GAS2: variants seen among roughly 807,000 people sequenced by gnomAD.
GAS2 encodes growth arrest-specific protein 2.
A neutral mutation model predicts 37.5 loss-of-function variants in GAS2; 20 were observed. That is an observed-to-expected ratio of 0.53 (90% CI 0.37 to 0.77). The LOEUF (loss-of-function observed/expected upper bound fraction) is 0.77. Ranked by LOEUF, GAS2 falls within the 30% of genes least tolerant of loss-of-function variation. The probability of loss-of-function intolerance (pLI) is 0.00; values close to 1 mark genes in which losing one functional copy is unlikely to be tolerated. For missense variants in GAS2, 336 were observed against 373.4 expected (o/e 0.90, Z 0.82); for synonymous variants, 144 against 132.2 (o/e 1.09, Z -0.61).
intron 4 of GAS2, among the ~76,000 whole-genome samples, chr11:22,737,381 G>A (rs148855455): frequency 3.3e-5 from 5 of 152,040 alleles, no homozygotes; most frequent in African/African-American, 1.2e-4. Flanking sequence ...AGCTACATAG[G>A]CATCCAATAT....
chr11:22,672,361 A>G (rs912642443), intron 1 of GAS2, among the ~76,000 whole-genome samples: 1 of 152,192 alleles, frequency 6.6e-6, no homozygotes. Flanking sequence ...TAAATGTGCC[A>G]CTGTCAAAGA....
At chr11:22,708,560 T>C (rs1247785253) in intron 3 of GAS2, among the ~76,000 whole-genome samples, 2 of 152,174 alleles carry the variant, frequency 1.3e-5, no homozygotes, top group African/African-American at 4.8e-5. Context: ...GCATTCAAAC[T>C]CAGGCAGTCT....
At chr11:22,711,950 T>G (rs1030050211) in intron 3 of GAS2, among the ~76,000 whole-genome samples, 8 of 152,172 alleles carry the variant, frequency 5.3e-5, no homozygotes, top group African/African-American at 1.9e-4. Flanking sequence ...AGACATAATC[T>G]CTTGGGAGCT....
At chr11:22,721,805 A>G (rs1354723169) in intron 3 of GAS2, among the ~76,000 whole-genome samples, 2 of 152,054 alleles carry the variant, frequency 1.3e-5, no homozygotes, top group African/African-American at 4.8e-5. Context: ...AGGAAGAAGT[A>G]AATTATTTGG....
At chr11:22,643,603 T>G (rs527677315) in intron 1 of GAS2, among the ~76,000 whole-genome samples, 3 of 152,250 alleles carry the variant, frequency 2.0e-5, no homozygotes, top group African/African-American at 7.2e-5. Flanking sequence ...TGGAAAGAAC[T>G]TACTAAGCAG....
intron 7 of GAS2, among the ~76,000 whole-genome samples, chr11:22,807,256 G>A (rs577027098): frequency 6.6e-6 from 1 of 152,230 alleles, no homozygotes; most frequent in Admixed American, 6.5e-5. Context: ...TGCAATAATT[G>A]GAAAATCCAA....
chr11:22,792,015 G>C (rs1856189314), intron 7 of GAS2, among the ~76,000 whole-genome samples: 1 of 152,204 alleles, frequency 6.6e-6, no homozygotes, highest in African/African-American at 2.4e-5. Flanking sequence ...GACATGAAGT[G>C]ATATGGATAT....
At chr11:22,808,610 G>A (rs1004353812) in intron 7 of GAS2, among the ~76,000 whole-genome samples, 6 of 152,198 alleles carry the variant, frequency 3.9e-5, no homozygotes, top group Admixed American at 1.3e-4. Context: ...AAACTGTTGT[G>A]ACTGGTGGTT....
At chr11:22,785,454 T>C (rs1169443907) in intron 7 of GAS2, among the ~76,000 whole-genome samples, 1 of 152,154 alleles carries the variant, frequency 6.6e-6, no homozygotes, top group African/African-American at 2.4e-5. Context: ...AAGTGCCAGA[T>C]GGTACTGAAT....
intron 7 of GAS2, among the ~76,000 whole-genome samples, chr11:22,810,629 G>T (rs1857111602): frequency 6.6e-6 from 1 of 152,074 alleles, no homozygotes; most frequent in African/African-American, 2.4e-5. Flanking sequence ...TACAATATTT[G>T]ATTTTGAAAA....
At chr11:22,709,776 G>A (rs1048810058) in intron 3 of GAS2, among the ~76,000 whole-genome samples, 5 of 152,122 alleles carry the variant, frequency 3.3e-5, no homozygotes, top group African/African-American at 7.2e-5. Flanking sequence ...GTCCAACAAC[G>A]ATAGACTGGA....
chr11:22,709,641 C>T (rs1042736621), intron 3 of GAS2, among the ~76,000 whole-genome samples: 2 of 152,130 alleles, frequency 1.3e-5, no homozygotes, highest in African/African-American at 2.4e-5. Context: ...TACCATTTGA[C>T]CCAGCCATCC....
In GAS2 at chr11:22,674,883, T is replaced by G. The variant is rs1849353197; in HGVS notation, c.14T>G (p.Leu5Arg). The G allele has an allele frequency of 2.5e-6, 4 of 1,610,652 alleles. No homozygotes were observed. In the African/African-American group the frequency reaches 4.0e-5, roughly 16 times the overall value. ...AGTGGATAAATAATGTGCACTGCTCTGAGCCCAAAGGTACGCAGTGGACCT... is the reference window on the plus strand; with the variant it reads ...AGTGGATAAATAATGTGCACTGCTCGGAGCCCAAAGGTACGCAGTGGACCT... The part of the protein sequence containing the change: MCTA[L>R]SPKVRSGPGL... Residue 5 changes from leucine (L) to arginine (R), a missense_variant, in exon 2 of 8, where the codon CTG (leucine) becomes CGG (arginine). By Grantham distance (102) the Leu-to-Arg change is moderately radical. Transcript: ENST00000454584.
intron 7 of GAS2, among the ~76,000 whole-genome samples, chr11:22,794,623 A>G (rs1480207025): frequency 6.6e-6 from 1 of 152,158 alleles, no homozygotes; most frequent in East Asian, 1.9e-4. Context: ...TTATTTTATA[A>G]TGATCATGTA....
chr11:22,656,571 A>G (rs558015997), intron 1 of GAS2, among the ~76,000 whole-genome samples: 2 of 152,254 alleles, frequency 1.3e-5, no homozygotes, highest in African/African-American at 2.4e-5. Context: ...ACTTAAAAGC[A>G]TCTAGAAGTA....
chr11:22,704,330 TAA>T (rs1032272202), intron 3 of GAS2, among the ~76,000 whole-genome samples: 39 of 152,030 alleles, frequency 2.6e-4, no homozygotes, highest in Middle Eastern at 3.4e-3. Context: ...ATTTCAATAT[TAA>T]AAATCAACAT....
chr11:22,639,499 T>G (rs531045484), intron 1 of GAS2, among the ~76,000 whole-genome samples: 10 of 152,282 alleles, frequency 6.6e-5, no homozygotes, highest in African/African-American at 1.4e-4. Context: ...GAAACATAGA[T>G]CTTAGTGGTA....
chr11:22,679,485 A>G (rs1196164136), intron 2 of GAS2, among the ~76,000 whole-genome samples: 1 of 152,100 alleles, frequency 6.6e-6, no homozygotes, highest in Non-Finnish European at 1.5e-5. Context: ...TTATTACATT[A>G]ACAGTCCTGG....
chr11:22,666,175 G>T (rs1027066699), upstream of GAS2, among the ~76,000 whole-genome samples: 4 of 152,202 alleles, frequency 2.6e-5, no homozygotes, highest in Non-Finnish European at 4.4e-5. Flanking sequence ...GCTGAGCTGA[G>T]GCTGAAAGAA....
Sources: allele counts gnomAD v4.1 joint callset (sites outside exome capture counted in the v4.1 genomes callset), GRCh38; gene constraint gnomAD v4.1.1; transcripts MANE v1.5; gene names NCBI Gene and HGNC (gene_info 2026-07-23, HGNC 2026-07-21).